MOB3B: variants seen among roughly 807,000 people sequenced by gnomAD.
The protein encoded by MOB3B is MOB kinase activator-like 2B.
MOB3B carries 7 observed loss-of-function variants against 18.7 expected under a neutral mutation model. The observed-to-expected ratio is 0.37, with a 90% CI of 0.21 to 0.70. The LOEUF (loss-of-function observed/expected upper bound fraction) is 0.70. Ranked by LOEUF, MOB3B falls within the 30% of genes least tolerant of loss-of-function variation. The pLI, the probability that MOB3B is intolerant of heterozygous loss-of-function variation, is 0.52. For missense variants in MOB3B, 253 were observed against 281.3 expected, an observed-to-expected ratio of 0.90 and a Z score of 0.72; for synonymous variants, 111 against 99.9, an observed-to-expected ratio of 1.11 and a Z score of -0.66.
chr9:27,331,454 G>T lies in MOB3B; in HGVS notation c.622-838C>A, dbSNP rs764538446. Among the ~76,000 whole-genome samples the T allele has an allele frequency of 9.0e-4, 137 of 151,398 alleles. No individual in the cohort carries two copies. The Middle Eastern group carries it at 0.01, about 11-fold the overall frequency. ...ACATTGATTCTTACATGCAGTGTATGAATTTGTACATCTCTGTGTGTGTGT... is the reference window on the plus strand; with the variant it reads ...ACATTGATTCTTACATGCAGTGTATTAATTTGTACATCTCTGTGTGTGTGT... On this transcript the variant is annotated intron_variant, in intron 3 of 3. Transcript: ENST00000262244.
In MOB3B at chr9:27,325,655, C is replaced by A. The variant is rs559424812; in HGVS notation, c.*4932G>T. 6.6e-6 allele frequency: 1 copy of A among 152,320 alleles called. No homozygotes were observed. Among genetic ancestry groups the A allele is most frequent in the African/African-American group, 2.4e-5 (1 of 41,568 alleles). The allele number at this position is 152,320 out of a possible 1,614,324, so 9.4% of individuals were successfully genotyped here. A position where few individuals can be genotyped will look rare whatever the true frequency, so the allele number is the denominator to read the frequency against. On this transcript the variant is annotated 3_prime_UTR_variant, in exon 4 of 4. Transcript: ENST00000262244. ...TGTTTGTCTAATTCTAGGAGAGAAT[C>A]ACCAATTTCTTCAAGGTCCAAAATG... is the stretch of plus-strand genomic sequence containing the variant.
At chr9:27,527,766 T>C (rs1820458580) in intron 1 of MOB3B, among the ~76,000 whole-genome samples, 1 of 152,236 alleles carries the variant, frequency 6.6e-6, no homozygotes, top group Non-Finnish European at 1.5e-5. Flanking sequence ...ACAGTCTCAG[T>C]CAGCCTCCCC....
intron 1 of MOB3B, among the ~76,000 whole-genome samples, chr9:27,476,778 G>A (rs1401770243): frequency 1.3e-5 from 2 of 152,166 alleles, no homozygotes; most frequent in East Asian, 1.9e-4. Flanking sequence ...TACAGCTGCT[G>A]TGCTCTGAAA....
At chr9:27,504,962 CATTG>C (rs1820037520) in intron 1 of MOB3B, among the ~76,000 whole-genome samples, 1 of 152,140 alleles carries the variant, frequency 6.6e-6, no homozygotes, top group Non-Finnish European at 1.5e-5. Flanking sequence ...CTGCTTCTGT[CATTG>C]CATCTCCTCA....
intron 2 of MOB3B, among the ~76,000 whole-genome samples, chr9:27,385,425 T>C (rs573056712): frequency 3.3e-5 from 5 of 152,170 alleles, no homozygotes; most frequent in African/African-American, 1.2e-4. Flanking sequence ...GAAACTGTAT[T>C]CTGGAGGTTT....
intron 3 of MOB3B, among the ~76,000 whole-genome samples, chr9:27,357,666 G>A (rs1821211479): frequency 6.6e-6 from 1 of 151,800 alleles, no homozygotes; most frequent in Non-Finnish European, 1.5e-5. Flanking sequence ...GCTCTCTTGT[G>A]GCGTGGCATG....
intron 2 of MOB3B, among the ~76,000 whole-genome samples, chr9:27,403,316 G>A (rs957292419): frequency 1.3e-5 from 2 of 152,096 alleles, no homozygotes; most frequent in Non-Finnish European, 2.9e-5. Context: ...AACAAATAAG[G>A]AGAAACAAAG....
At chr9:27,345,409 A>G (rs557968082) in intron 3 of MOB3B, among the ~76,000 whole-genome samples, 1 of 152,270 alleles carries the variant, frequency 6.6e-6, no homozygotes, top group South Asian at 2.1e-4. Flanking sequence ...AGATTTAAAA[A>G]TAAAATAAAA....
chr9:27,488,368 A>G (rs1819761900), intron 1 of MOB3B, among the ~76,000 whole-genome samples: 1 of 152,196 alleles, frequency 6.6e-6, no homozygotes, highest in African/African-American at 2.4e-5. Flanking sequence ...ATAATGTTTT[A>G]CACAGAGATC....
In MOB3B at chr9:27,491,121, T is replaced by C. The variant is rs1253420403; in HGVS notation, c.-198-35373A>G. On this transcript the variant is annotated intron_variant, in intron 1 of 3. Coordinates refer to ENST00000262244, the MANE Select transcript of MOB3B (RefSeq NM_024761.5). ...TGTATATATTATTTCTTCGGAACGATGAGATAATTATGTAGTTTGGTTAAA... is the reference window on the plus strand; with the variant it reads ...TGTATATATTATTTCTTCGGAACGACGAGATAATTATGTAGTTTGGTTAAA... Among the ~76,000 whole-genome samples, 3 of 152,218 alleles carry C rather than the reference T, an allele frequency of 2.0e-5. No homozygotes were observed. In the East Asian group the frequency reaches 5.8e-4, roughly 29 times the overall value.
chr9:27,420,666 T>C (rs962662864), intron 2 of MOB3B, among the ~76,000 whole-genome samples: 5 of 147,398 alleles, frequency 3.4e-5, no homozygotes, highest in African/African-American at 1.3e-4. Flanking sequence ...GATTGGAGAC[T>C]ATTATTCTAA....
chr9:27,413,055 A>G (rs1205224837), intron 2 of MOB3B, among the ~76,000 whole-genome samples: 1 of 152,224 alleles, frequency 6.6e-6, no homozygotes, highest in Admixed American at 6.5e-5. Flanking sequence ...AATAACATTA[A>G]CATTCCTATC....
At chr9:27,491,272 C>G (rs554794451) in intron 1 of MOB3B, among the ~76,000 whole-genome samples, 1 of 152,088 alleles carries the variant, frequency 6.6e-6, no homozygotes, top group African/African-American at 2.4e-5. Context: ...ACAAGTTCCA[C>G]ATAAGCCAGA....
chr9:27,460,352 TA>T (rs1819266610), intron 1 of MOB3B, among the ~76,000 whole-genome samples: 1 of 152,124 alleles, frequency 6.6e-6, no homozygotes. Context: ...ATTATAACAA[TA>T]AAACATGTGC....
chr9:27,354,888 A>G (rs1252094586), intron 3 of MOB3B, among the ~76,000 whole-genome samples: 1 of 152,212 alleles, frequency 6.6e-6, no homozygotes, highest in Non-Finnish European at 1.5e-5. Flanking sequence ...AGGAACATCC[A>G]CTAACTACAG....
rs568737634 is a variant in MOB3B, at chr9:27,325,687, AC to A, written c.*4899del. 238 of 152,372 alleles carry A rather than the reference AC, an allele frequency of 1.6e-3. No individual in the cohort carries two copies. The highest frequency in any genetic ancestry group is 5.2e-3 in the African/African-American group (216 of 41,588). 9.4% of individuals were successfully genotyped at this position (152,372 alleles called of 1,614,324 possible). On this transcript the variant is annotated 3_prime_UTR_variant, in exon 4 of 4. Transcript: ENST00000262244. ...TTCTTCAAGGTCCAAAATGATCAGAACAAGAATGACAACAGTGTCAACCAAA... is the reference window on the plus strand; with the variant it reads ...TTCTTCAAGGTCCAAAATGATCAGAAAAGAATGACAACAGTGTCAACCAAA...
At chr9:27,403,950 A>T (rs1382854624) in intron 2 of MOB3B, among the ~76,000 whole-genome samples, 1 of 151,884 alleles carries the variant, frequency 6.6e-6, no homozygotes, top group East Asian at 1.9e-4. Flanking sequence ...TTCAAATTCC[A>T]CTCTTTTAGT....
intron 2 of MOB3B, among the ~76,000 whole-genome samples, chr9:27,435,583 T>TTTTATTTATTTGTTTG (rs1822487945): frequency 2.0e-5 from 3 of 152,084 alleles, no homozygotes; most frequent in African/African-American, 4.8e-5. Context: ...AACAGAGTTC[T>TTTTATTTATTTGTTTG]TTTATTTATT....
chr9:27,328,711 T>A lies in MOB3B; in HGVS notation c.*1876A>T, dbSNP rs929600238. On this transcript the variant is annotated 3_prime_UTR_variant, in exon 4 of 4. Transcript: ENST00000262244. ...AGGGCATGGGCTCCGTAGTTACCTC[T>A]CTGTGCCACTGTGCTGCATTCCCAT... 1.3e-5 allele frequency: 2 copies of A among 152,316 alleles called. No individual in the cohort carries two copies. Among genetic ancestry groups the A allele is most frequent in the Non-Finnish European group, 2.9e-5 (2 of 68,046 alleles). 9.4% of individuals were successfully genotyped at this position (152,316 alleles called of 1,614,324 possible).
Sources: gnomAD v4.1 joint callset for allele counts (sites outside exome capture counted in the v4.1 genomes callset) on GRCh38, gnomAD v4.1.1 for gene constraint, MANE v1.5 for transcripts, NCBI Gene and HGNC (gene_info 2026-07-23, HGNC 2026-07-21) for gene names.